Variants in TRIO observed in about 807,000 individuals in gnomAD.
TRIO encodes the protein trio Rho guanine nucleotide exchange factor.
In TRIO, 58 loss-of-function variants were observed where a neutral mutation model predicts 351.9. That is an observed-to-expected ratio of 0.16 (90% CI 0.13 to 0.21). The LOEUF (loss-of-function observed/expected upper bound fraction) is 0.21. Ranked by LOEUF, TRIO falls within the 10% of genes least tolerant of loss-of-function variation. The pLI, the probability that TRIO is intolerant of heterozygous loss-of-function variation, is 1.00. For synonymous variants in TRIO, 1,758 were observed against 1,595.7 expected, an observed-to-expected ratio of 1.10 and a Z score of -2.42; for missense variants, 3,201 against 4,027.8, an observed-to-expected ratio of 0.79 and a Z score of 5.56.
chr5:14,455,514 A>G (rs1245377540), intron 34 of TRIO, among the ~76,000 whole-genome samples: 1 of 150,224 alleles, frequency 6.7e-6, no homozygotes, highest in African/African-American at 2.5e-5. Flanking sequence ...CACAGAGTGG[A>G]TTGGTGTATT....
rs1489733956 is a variant in TRIO, at chr5:14,457,374, CCCCCCCCCCCCCCG to C, written c.5204-3640_5204-3627del. Among the ~76,000 whole-genome samples, 7 of 27,442 alleles carry C rather than the reference CCCCCCCCCCCCCCG, an allele frequency of 2.6e-4. 1 individual carries two copies. The East Asian group carries it at 6.2e-3, about 24-fold the overall frequency. The allele number at this position is 27,442 out of a possible 152,430, so 18.0% of individuals were successfully genotyped here. A position where few individuals can be genotyped will look rare whatever the true frequency, so the allele number is the denominator to read the frequency against. On this transcript the variant is annotated intron_variant, in intron 34 of 56. Coordinates refer to ENST00000344204, the MANE Select transcript of TRIO (RefSeq NM_007118.4). ...CTCCCACCTTGGGCAGCCCTGACCT[CCCCCCCCCCCCCCG>C]CCCCGCCCCCCGGTACTAGGAGTGA...
chr5:14,502,134 G>A (rs1044919937), intron 53 of TRIO, among the ~76,000 whole-genome samples: 29 of 152,322 alleles, frequency 1.9e-4, no homozygotes, highest in African/African-American at 6.7e-4. Flanking sequence ...GAAAGGAGGC[G>A]TGGGGAGGAG....
intron 1 of TRIO, among the ~76,000 whole-genome samples, chr5:14,245,757 G>C (rs1404959376): frequency 2.0e-5 from 3 of 152,244 alleles, no homozygotes; most frequent in African/African-American, 7.2e-5. Context: ...GGCAGGCGTA[G>C]ATATTCTGGC....
At chr5:14,446,568 CT>C (rs1752457165) in intron 34 of TRIO, among the ~76,000 whole-genome samples, 1 of 152,074 alleles carries the variant, frequency 6.6e-6, no homozygotes, top group Non-Finnish European at 1.5e-5. Context: ...TCCCGTAATG[CT>C]TTGTGTGCTT....
At chr5:14,433,361 C>T (rs1048270534) in intron 34 of TRIO, among the ~76,000 whole-genome samples, 3 of 152,160 alleles carry the variant, frequency 2.0e-5, no homozygotes, top group African/African-American at 7.2e-5. Context: ...TTTCGTCATC[C>T]CTTTCCCTCC....
chr5:14,144,803 C>G lies in TRIO; in HGVS notation c.157+921C>G, dbSNP rs566775789. ...GCGGCGGCGCCTCCTCCCGCTCCGG[C>G]CCAGATCCCGCGCGAGCCGGGCCCG... On this transcript the variant is annotated intron_variant, in intron 1 of 56. Coordinates refer to ENST00000344204, the MANE Select transcript of TRIO (RefSeq NM_007118.4). Among the ~76,000 whole-genome samples, 5 of 151,956 alleles carry G rather than the reference C, an allele frequency of 3.3e-5. No individual in the cohort carries two copies. In the South Asian group the frequency reaches 8.3e-4, roughly 25 times the overall value.
At chr5:14,471,659 G>A (rs1754697870) in intron 38 of TRIO, among the ~76,000 whole-genome samples, 193 bp downstream of exon 38, 2 of 152,098 alleles carry the variant, frequency 1.3e-5, no homozygotes, top group Admixed American at 6.5e-5. Context: ...GCAGTTTCTT[G>A]TTTTATTTGT....
chr5:14,437,224 G>C (rs1161792860), intron 34 of TRIO, among the ~76,000 whole-genome samples: 2 of 152,204 alleles, frequency 1.3e-5, no homozygotes, highest in South Asian at 2.1e-4. Context: ...GTGAGACTCA[G>C]CTCCACCCAT....
At chr5:14,420,854 C>G (rs961655593) in intron 34 of TRIO, 1 of 152,250 alleles carries the variant, frequency 6.6e-6, no homozygotes, top group South Asian at 2.1e-4. Flanking sequence ...TCAAATAACA[C>G]TTGTTCTGAA....
rs1277308502 is a variant in TRIO, at chr5:14,364,821, G to A, written c.2754+5G>A. The A allele has an allele frequency of 1.2e-6, 2 of 1,605,488 alleles. No individual in the cohort carries two copies. The highest frequency in any genetic ancestry group is 1.7e-6 in the Non-Finnish European group (2 of 1,176,690). Reference sequence around the variant, plus strand: ...CTGCAGGCAGAAGTGAAACAGGTGAGCAAACGACTGGATGCTTGGGGAGGC... The same window carrying A: ...CTGCAGGCAGAAGTGAAACAGGTGAACAAACGACTGGATGCTTGGGGAGGC... On this transcript the variant is annotated splice_donor_5th_base_variant and intron_variant, in intron 15 of 56. Transcript: ENST00000344204.
At chr5:14,339,982 T>C (rs1741789869) in intron 11 of TRIO, among the ~76,000 whole-genome samples, 1 of 152,206 alleles carries the variant, frequency 6.6e-6, no homozygotes, top group South Asian at 2.1e-4. Flanking sequence ...TTGCATAAAG[T>C]CACTAAATGT....
At chr5:14,465,487 A>T in intron 36 of TRIO, 58 bp from the exon 37 acceptor site, 1 of 1,543,222 alleles carries the variant, frequency 6.5e-7, no homozygotes, top group Non-Finnish European at 9.0e-7. Context: ...TTACTGTCTG[A>T]CCAGTTACTA....
chr5:14,501,853 A>G (rs1353275194), intron 53 of TRIO, among the ~76,000 whole-genome samples: 1 of 152,202 alleles, frequency 6.6e-6, no homozygotes, highest in Non-Finnish European at 1.5e-5. Flanking sequence ...GTGGAGGCCT[A>G]GAATCACAGT....
chr5:14,213,272 T>C (rs1792023472), intron 1 of TRIO, among the ~76,000 whole-genome samples: 1 of 151,738 alleles, frequency 6.6e-6, no homozygotes, highest in African/African-American at 2.4e-5. Flanking sequence ...TCAAAAGTTA[T>C]TTCTAAATTA....
chr5:14,412,401 G>A (rs1365712248), intron 33 of TRIO, among the ~76,000 whole-genome samples: 2 of 152,260 alleles, frequency 1.3e-5, no homozygotes, highest in African/African-American at 4.8e-5. Flanking sequence ...GAGGTAGTAT[G>A]TAAAGTAGTT....
At chr5:14,261,931 G>A (rs1795372495) in intron 1 of TRIO, among the ~76,000 whole-genome samples, 1 of 152,324 alleles carries the variant, frequency 6.6e-6, no homozygotes, top group Non-Finnish European at 1.5e-5. Context: ...GAGAATGAAT[G>A]GAGTCACTTT....
chr5:14,295,522 T>A (rs1737282182), intron 6 of TRIO, among the ~76,000 whole-genome samples: 1 of 152,230 alleles, frequency 6.6e-6, no homozygotes, highest in East Asian at 1.9e-4. Context: ...GTATGGTCAG[T>A]GGTTGTCACA....
At chr5:14,165,632 T>G (rs1474056031) in intron 1 of TRIO, among the ~76,000 whole-genome samples, 1 of 152,224 alleles carries the variant, frequency 6.6e-6, no homozygotes, top group African/African-American at 2.4e-5. Context: ...CTGTGGACCC[T>G]TCAAAGGGAC....
intron 34 of TRIO, among the ~76,000 whole-genome samples, chr5:14,447,315 A>G (rs1049706447): frequency 6.6e-6 from 1 of 152,202 alleles, no homozygotes; most frequent in Non-Finnish European, 1.5e-5. Flanking sequence ...TAATGCTGTT[A>G]TTAAAATTAG....
Sources: allele counts gnomAD v4.1 joint callset (sites outside exome capture counted in the v4.1 genomes callset), GRCh38; gene constraint gnomAD v4.1.1; transcripts MANE v1.5; gene names NCBI Gene and HGNC (gene_info 2026-07-23, HGNC 2026-07-21).